Variants in GRM8 observed in about 807,000 individuals in gnomAD.
The protein encoded by GRM8 is metabotropic glutamate receptor 8.
GRM8 carries 47 observed loss-of-function variants against 87.2 expected under a neutral mutation model. The observed-to-expected ratio is 0.54, with a 90% CI of 0.43 to 0.69. The LOEUF (loss-of-function observed/expected upper bound fraction) is 0.69, where lower values mean the gene tolerates loss of function less well. GRM8 is among the 30% of genes least tolerant of loss of function. The pLI is 0.00. For synonymous variants in GRM8, 396 were observed against 404.5 expected, an observed-to-expected ratio of 0.98 and a Z score of 0.25; for missense variants, 1,019 against 1,139.2, an observed-to-expected ratio of 0.89 and a Z score of 1.52.
chr7:126,897,845 C>T (rs1476492620), intron 6 of GRM8, among the ~76,000 whole-genome samples: 1 of 152,074 alleles, frequency 6.6e-6, no homozygotes, highest in African/African-American at 2.4e-5. Flanking sequence ...TGAAAGCTTT[C>T]CTGAGATTCT....
intron 2 of GRM8, among the ~76,000 whole-genome samples, chr7:127,189,957 C>T (rs540299768): frequency 3.3e-5 from 5 of 152,358 alleles, no homozygotes; most frequent in African/African-American, 1.2e-4. Flanking sequence ...CAAAGAGCCA[C>T]AAAAACCTCA....
intron 2 of GRM8, among the ~76,000 whole-genome samples, chr7:127,212,407 G>C (rs1005942492): frequency 1.4e-3 from 171 of 118,472 alleles, no homozygotes; most frequent in Non-Finnish European, 1.8e-3. Context: ...AGGACATGGT[G>C]TTATTTTTTT....
chr7:126,479,765 CAGACAGAT>C lies in GRM8; in HGVS notation c.2431-33401_2431-33394del, dbSNP rs775543223. On this transcript the variant is annotated intron_variant, in intron 9 of 10. Transcript: ENST00000339582. ...ATAGACAGACAGACAGACAGACAGA[CAGACAGAT>C]AGATAGATAGAACCACTGTGTTATA... Among the ~76,000 whole-genome samples, 846 of 148,314 alleles carry C rather than the reference CAGACAGAT, an allele frequency of 5.7e-3. 7 individuals are homozygous for C. The highest frequency in any genetic ancestry group is 0.02 in the African/African-American group (777 of 38,148).
chr7:126,695,629 T>C (rs1809304288), intron 7 of GRM8, among the ~76,000 whole-genome samples: 1 of 152,206 alleles, frequency 6.6e-6, no homozygotes. Context: ...AATTGGTCAG[T>C]GACAATTAAG....
chr7:126,631,910 A>AC (rs1280454316), intron 7 of GRM8, among the ~76,000 whole-genome samples: 1 of 152,178 alleles, frequency 6.6e-6, no homozygotes, highest in African/African-American at 2.4e-5. Context: ...TAAATGTAAA[A>AC]CCCAAAACTA....
intron 2 of GRM8, among the ~76,000 whole-genome samples, chr7:127,114,739 A>G (rs1826598255): frequency 6.6e-6 from 1 of 152,178 alleles, no homozygotes; most frequent in Non-Finnish European, 1.5e-5. Context: ...TGAAAGTATA[A>G]ATATATATTA....
chr7:126,579,460 G>A (rs1182457736), intron 8 of GRM8, among the ~76,000 whole-genome samples: 1 of 152,180 alleles, frequency 6.6e-6, no homozygotes, highest in Non-Finnish European at 1.5e-5. Context: ...TATGAGGAAA[G>A]ATTTCAGTGC....
chr7:127,105,918 C>T (rs1487121350), intron 3 of GRM8, among the ~76,000 whole-genome samples: 1 of 152,118 alleles, frequency 6.6e-6, no homozygotes, highest in African/African-American at 2.4e-5. Flanking sequence ...ATGCCCAGGA[C>T]AGACATCAGC....
intron 7 of GRM8, among the ~76,000 whole-genome samples, chr7:126,766,967 GT>G (rs1201569428): frequency 6.6e-6 from 1 of 152,146 alleles, no homozygotes; most frequent in Non-Finnish European, 1.5e-5. Flanking sequence ...TGATATGTGT[GT>G]AAGTCTGCAG....
chr7:126,751,871 C>A (rs896085099), intron 7 of GRM8, among the ~76,000 whole-genome samples: 1 of 152,130 alleles, frequency 6.6e-6, no homozygotes, highest in African/African-American at 2.4e-5. Flanking sequence ...GAAAGCACAT[C>A]CTTAGAAGAA....
intron 9 of GRM8, among the ~76,000 whole-genome samples, chr7:126,473,164 G>A (rs891999612): frequency 6.6e-6 from 1 of 152,136 alleles, no homozygotes; most frequent in Non-Finnish European, 1.5e-5. Context: ...CCAGACCCCA[G>A]AATGGTAGAT....
intron 3 of GRM8, among the ~76,000 whole-genome samples, chr7:127,106,169 A>G (rs1271632090): frequency 6.6e-6 from 1 of 152,220 alleles, no homozygotes; most frequent in East Asian, 1.9e-4. Context: ...ACTTCCATCT[A>G]GAACAATCAA....
intron 3 of GRM8, among the ~76,000 whole-genome samples, chr7:127,014,876 G>A (rs1002356965): frequency 5.3e-5 from 8 of 150,004 alleles, no homozygotes; most frequent in Non-Finnish European, 8.9e-5. Context: ...AGCAAGAACC[G>A]CTTCATACTT....
intron 6 of GRM8, 71 bp downstream of exon 6, chr7:126,902,471 C>T (rs941017298): frequency 1.0e-4 from 129 of 1,244,928 alleles, no homozygotes; most frequent in Admixed American, 1.8e-4. Flanking sequence ...TATAGAAAAA[C>T]GTAATTTATC....
At chr7:127,208,005 C>T (rs1796006995) in intron 2 of GRM8, among the ~76,000 whole-genome samples, 1 of 152,100 alleles carries the variant, frequency 6.6e-6, no homozygotes, top group Admixed American at 6.5e-5. Flanking sequence ...CTCTCACCAC[C>T]AGATGCTGAC....
At chr7:126,846,298 T>A (rs1389783615) in intron 6 of GRM8, among the ~76,000 whole-genome samples, 1 of 152,218 alleles carries the variant, frequency 6.6e-6, no homozygotes, top group African/African-American at 2.4e-5. Flanking sequence ...CAAAAGCATT[T>A]ATCAATAAAA....
At chr7:126,585,973 C>T (rs562309714) in intron 8 of GRM8, among the ~76,000 whole-genome samples, 46 of 152,140 alleles carry the variant, frequency 3.0e-4, no homozygotes, top group African/African-American at 8.9e-4. Flanking sequence ...GATAAGCAAC[C>T]TCAGCAAAGT....
chr7:126,589,017 T>A (rs562945804), intron 8 of GRM8, among the ~76,000 whole-genome samples: 1 of 152,242 alleles, frequency 6.6e-6, no homozygotes, highest in East Asian at 1.9e-4. Context: ...ACAGGGATCC[T>A]TGGGGAGGGT....
chr7:126,999,552 CA>C (rs1563397660), intron 3 of GRM8, among the ~76,000 whole-genome samples: 1 of 151,492 alleles, frequency 6.6e-6, no homozygotes, highest in African/African-American at 2.4e-5. Flanking sequence ...GGAAAAAATA[CA>C]ATAATCTGAT....
Sources: gnomAD v4.1 joint callset for allele counts (sites outside exome capture counted in the v4.1 genomes callset) on GRCh38, gnomAD v4.1.1 for gene constraint, MANE v1.5 for transcripts, NCBI Gene and HGNC (gene_info 2026-07-23, HGNC 2026-07-21) for gene names.